The following MYO1B variants were observed in gnomAD, a reference collection of about 807,000 sequenced individuals.
MYO1B encodes unconventional myosin-Ib.
Under a neutral mutation model 159.7 loss-of-function variants are expected in MYO1B, and 72 were observed. The observed-to-expected ratio is 0.45, with a 90% confidence interval of 0.37 to 0.55. The LOEUF is 0.55. MYO1B is among the 20% of genes least tolerant of loss of function. The pLI, the probability that MYO1B is intolerant of heterozygous loss-of-function variation, is 0.00. For missense variants in MYO1B, 1,062 were observed against 1,364.8 expected (o/e 0.78, Z 3.50); for synonymous variants, 468 against 473.8 (o/e 0.99, Z 0.16).
chr2:191,378,434 GT>G (rs1427634282), intron 13 of MYO1B, among the ~76,000 whole-genome samples: 1 of 152,092 alleles, frequency 6.6e-6, no homozygotes, highest in Non-Finnish European at 1.5e-5. Flanking sequence ...TAAGAGCAAT[GT>G]TTTGGGGGCA....
intron 2 of MYO1B, among the ~76,000 whole-genome samples, chr2:191,292,606 T>A (rs995924711): frequency 7.9e-5 from 12 of 151,762 alleles, no homozygotes; most frequent in African/African-American, 2.7e-4. Context: ...CTTATCAGAC[T>A]TAAGGTCTGA....
intron 11 of MYO1B, among the ~76,000 whole-genome samples, chr2:191,367,796 A>G (rs1238549107): frequency 1.3e-5 from 2 of 152,206 alleles, no homozygotes; most frequent in Non-Finnish European, 2.9e-5. Flanking sequence ...TAGCCTCATG[A>G]GGTAGTAGTA....
chr2:191,396,595 T>TGCAG, intron 21 of MYO1B, 98 bp downstream of exon 21: 6 of 1,098,426 alleles, frequency 5.5e-6, no homozygotes, highest in Non-Finnish European at 8.0e-6. Flanking sequence ...GGGGCTCCTC[T>TGCAG]GTCTCCTGCC....
chr2:191,394,689 C>T (rs190704320), intron 20 of MYO1B, among the ~76,000 whole-genome samples: 150 of 152,156 alleles, frequency 9.9e-4, no homozygotes, highest in Non-Finnish European at 2.8e-4. Flanking sequence ...GGAGAAACTT[C>T]GGGGAGGGGC....
At chr2:191,353,634 A>T (rs372186923) in intron 7 of MYO1B, among the ~76,000 whole-genome samples, 8 of 152,296 alleles carry the variant, frequency 5.3e-5, no homozygotes, top group African/African-American at 1.9e-4. Flanking sequence ...CATACCCGTG[A>T]GCCTACTTTT....
intron 1 of MYO1B, among the ~76,000 whole-genome samples, chr2:191,259,637 C>A (rs892310143): frequency 6.6e-6 from 1 of 152,070 alleles, no homozygotes; most frequent in East Asian, 1.9e-4. Flanking sequence ...GTACCTATAA[C>A]CTTTTCTATA....
intron 1 of MYO1B, among the ~76,000 whole-genome samples, chr2:191,249,651 A>C (rs1685993890): frequency 6.6e-6 from 1 of 152,222 alleles, no homozygotes; most frequent in Admixed American, 6.5e-5. Flanking sequence ...ATTCCTCAGA[A>C]TGCTCCTGGG....
intron 6 of MYO1B, among the ~76,000 whole-genome samples, chr2:191,348,430 A>T (rs1692706970): frequency 6.6e-6 from 1 of 152,118 alleles, no homozygotes; most frequent in African/African-American, 2.4e-5. Context: ...GCCAGGGACC[A>T]CCTTCTGTCA....
intron 1 of MYO1B, among the ~76,000 whole-genome samples, chr2:191,275,534 A>G (rs968442052): frequency 6.6e-6 from 1 of 152,274 alleles, no homozygotes. Flanking sequence ...TACAAGACCT[A>G]CTGGATGTTC....
At chr2:191,359,936 G>A (rs1020388418) in intron 7 of MYO1B, among the ~76,000 whole-genome samples, 2 of 152,058 alleles carry the variant, frequency 1.3e-5, no homozygotes, top group African/African-American at 4.8e-5. Flanking sequence ...CAGATTTATG[G>A]GTTGAAAAAT....
At chr2:191,280,145 C>G (rs987707770) in intron 2 of MYO1B, among the ~76,000 whole-genome samples, 1 of 152,204 alleles carries the variant, frequency 6.6e-6, no homozygotes, top group African/African-American at 2.4e-5. Flanking sequence ...CTAGAACATT[C>G]ACAACCCCTA....
In MYO1B at chr2:191,370,299, T is replaced by C; in HGVS notation, c.1185+7T>C. 2 of 1,608,174 alleles carry C rather than the reference T, an allele frequency of 1.2e-6. No homozygotes were observed. Among genetic ancestry groups the C allele is most frequent in the Non-Finnish European group, 1.7e-6 (2 of 1,175,104 alleles). On this transcript the variant is annotated splice_region_variant and intron_variant, in intron 13 of 30. Transcript: ENST00000392318. ...TGGCTTTGAGATTTTCGAGGTAAGA[T>C]TTAAAATTTTTTTTGTATTGTCTTT...
At chr2:191,397,054 C>T (rs953549858) in intron 21 of MYO1B, among the ~76,000 whole-genome samples, 33 of 143,872 alleles carry the variant, frequency 2.3e-4, no homozygotes, top group African/African-American at 8.0e-4. Flanking sequence ...TGCGTGTTCT[C>T]ATACAACCTG....
chr2:191,344,109 G>C (rs1383407531), intron 5 of MYO1B, among the ~76,000 whole-genome samples: 1 of 152,154 alleles, frequency 6.6e-6, no homozygotes, highest in Non-Finnish European at 1.5e-5. Flanking sequence ...ACAATAAACT[G>C]TCCTTTATGC....
intron 6 of MYO1B, among the ~76,000 whole-genome samples, chr2:191,347,611 G>C (rs183703664): frequency 1.3e-5 from 2 of 152,210 alleles, no homozygotes; most frequent in African/African-American, 2.4e-5. Context: ...AGGCTTGGCA[G>C]GTGATTTGGC....
intron 26 of MYO1B, among the ~76,000 whole-genome samples, chr2:191,409,654 TC>T (rs975839463): frequency 6.6e-6 from 1 of 152,218 alleles, no homozygotes; most frequent in African/African-American, 2.4e-5. Context: ...AAAGGCTTTT[TC>T]CTGTCCCTAA....
Position 191,363,625 on chromosome 2 carries a change from A to T in MYO1B, c.766-103A>T, listed in dbSNP as rs568827956. 72 of 1,406,318 alleles carry T rather than the reference A, an allele frequency of 5.1e-5. No homozygotes were observed. In the South Asian group the frequency reaches 9.8e-4, roughly 19 times the overall value. 87.1% of individuals were successfully genotyped at this position (1,406,318 alleles called of 1,614,324 possible). A position where few individuals can be genotyped will look rare whatever the true frequency, so the allele number is the denominator to read the frequency against. ...CACTGAAGATATAGCTTTGTCTTTT[A>T]TGGGTTTTTTTCCCCAGAAATAAAT... On this transcript the variant is annotated intron_variant, in intron 9 of 30. Transcript: ENST00000392318.
intron 14 of MYO1B, 116 bp from the exon 15 acceptor site, chr2:191,383,159 ATAAAG>A: frequency 1.8e-6 from 1 of 570,252 alleles, no homozygotes; most frequent in Non-Finnish European, 3.0e-6. Flanking sequence ...TACCCATTCT[ATAAAG>A]AAAATAAATT....
At chr2:191,404,966 A>G (rs2126146597) in intron 24 of MYO1B, among the ~76,000 whole-genome samples, 1 of 152,300 alleles carries the variant, frequency 6.6e-6, no homozygotes, top group Non-Finnish European at 1.5e-5. Flanking sequence ...TGCCACATAG[A>G]TTGACTTCCT....
Sources: gnomAD v4.1 joint callset for allele counts (sites outside exome capture counted in the v4.1 genomes callset) on GRCh38, gnomAD v4.1.1 for gene constraint, MANE v1.5 for transcripts, NCBI Gene and HGNC (gene_info 2026-07-23, HGNC 2026-07-21) for gene names.